The following CCDC18 variants were observed in gnomAD, a reference collection of about 807,000 sequenced individuals.
The protein encoded by CCDC18 is coiled-coil domain-containing protein 18.
A neutral mutation model predicts 196.0 loss-of-function variants in CCDC18; 157 were observed. The ratio of observed to expected loss-of-function variants is 0.80; its 90% CI spans 0.70 to 0.91. The LOEUF is 0.91. Among genes scored for constraint, CCDC18 ranks in the 40% least tolerant of loss-of-function variants. CCDC18 has a pLI of 0.00. For synonymous variants in CCDC18, 482 were observed against 529.2 expected (o/e 0.91, Z 1.22); for missense variants, 1,465 against 1,611.6 (o/e 0.91, Z 1.56).
At chr1:93,232,140 A>G (rs1428946380) in intron 17 of CCDC18, among the ~76,000 whole-genome samples, 1 of 152,256 alleles carries the variant, frequency 6.6e-6, no homozygotes, top group Non-Finnish European at 1.5e-5. Context: ...AAAGGAAGGC[A>G]TGTTTCAGTG....
chr1:93,256,950 T>A (rs1663038061), intron 25 of CCDC18, among the ~76,000 whole-genome samples: 1 of 152,012 alleles, frequency 6.6e-6, no homozygotes, highest in Non-Finnish European at 1.5e-5. Context: ...ACTATTGGCT[T>A]GGCACGGTGG....
intron 3 of CCDC18, among the ~76,000 whole-genome samples, chr1:93,184,633 A>G (rs997191151): frequency 2.0e-5 from 3 of 151,742 alleles, no homozygotes; most frequent in African/African-American, 7.3e-5. Flanking sequence ...ATTCTATCAC[A>G]TATTTATCTC....
At chr1:93,250,882 T>C (rs1662147887) in intron 23 of CCDC18, among the ~76,000 whole-genome samples, 4 of 152,356 alleles carry the variant, frequency 2.6e-5, no homozygotes, top group African/African-American at 4.8e-5. Context: ...AGGAAGCATA[T>C]AGTTGGATTT....
rs1391342714 is a variant in CCDC18 at position 93,239,726 on chromosome 1, A to G, written c.2811A>G (p.Leu937=). Residue 937 remains leucine, a synonymous_variant, in exon 21 of 29, where the codon CTA becomes CTG. Coordinates refer to ENST00000690025, the MANE Select transcript of CCDC18 (RefSeq NM_001378204.1). ...TACAGCACAGTACTGAAACTGAACT[A>G]ACAGAAGCCTTGCAAAAACGGGAAG... is the stretch of plus-strand genomic sequence containing the variant. ...EKLQHSTETE[L]TEALQKREVL... 16 of 1,613,816 alleles carry G rather than the reference A, an allele frequency of 9.9e-6. No individual in the cohort carries two copies. The highest frequency in any genetic ancestry group is 1.4e-5 in the Non-Finnish European group (16 of 1,179,780).
At chr1:93,240,283 A>G (rs1660601768) in intron 21 of CCDC18, among the ~76,000 whole-genome samples, 2 of 152,210 alleles carry the variant, frequency 1.3e-5, no homozygotes, top group Admixed American at 1.3e-4. Flanking sequence ...TTAGAAACAT[A>G]TATCACCTTT....
intron 10 of CCDC18, among the ~76,000 whole-genome samples, chr1:93,211,467 T>C (rs904617117): frequency 2.6e-5 from 4 of 152,312 alleles, no homozygotes; most frequent in African/African-American, 7.2e-5. Context: ...CATTACAGGA[T>C]GAATAATGCC....
chr1:93,214,097 C>T (rs1489280519), intron 11 of CCDC18, among the ~76,000 whole-genome samples: 1 of 152,070 alleles, frequency 6.6e-6, no homozygotes, highest in Non-Finnish European at 1.5e-5. Flanking sequence ...TCTGATAACC[C>T]TCAGTAATTT....
At chr1:93,185,811 A>G (rs1192346789) in intron 3 of CCDC18, among the ~76,000 whole-genome samples, 1 of 151,936 alleles carries the variant, frequency 6.6e-6, no homozygotes, top group African/African-American at 2.4e-5. Context: ...CACTCAAAAT[A>G]AAGTTAATTA....
chr1:93,244,404 G>T (rs1661224916), intron 21 of CCDC18, among the ~76,000 whole-genome samples: 1 of 152,174 alleles, frequency 6.6e-6, no homozygotes, highest in Non-Finnish European at 1.5e-5. Context: ...AAAAACGAAT[G>T]AACTACTGAT....
At chr1:93,205,157 C>T (rs891998654) in intron 7 of CCDC18, among the ~76,000 whole-genome samples, 1 of 151,982 alleles carries the variant, frequency 6.6e-6, no homozygotes, top group Non-Finnish European at 1.5e-5. Flanking sequence ...GCTGTGGTTT[C>T]GTTGGTAAAT....
intron 27 of CCDC18, chr1:93,269,765 T>C (rs926022494): frequency 3.3e-5 from 5 of 152,046 alleles, no homozygotes; most frequent in Admixed American, 3.3e-4. Context: ...ATTCCTAGGA[T>C]CCCAAAGTTC....
chr1:93,182,853 C>G (rs1040517233), intron 1 of CCDC18, among the ~76,000 whole-genome samples: 1 of 152,118 alleles, frequency 6.6e-6, no homozygotes, highest in Non-Finnish European at 1.5e-5. Flanking sequence ...ACCATTTAAT[C>G]AGATGTCCAG....
intron 1 of CCDC18, 102 bp downstream of exon 1, chr1:93,180,954 C>T: frequency 9.0e-7 from 1 of 1,116,476 alleles, no homozygotes. Flanking sequence ...CTCCCGGCAC[C>T]TTGGATGCGC....
intron 4 of CCDC18, among the ~76,000 whole-genome samples, chr1:93,188,680 GTAGT>G (rs1651148759): frequency 2.0e-5 from 3 of 151,926 alleles, no homozygotes; most frequent in Non-Finnish European, 4.4e-5. Flanking sequence ...ATGGTAGATG[GTAGT>G]TCTTAGGACC....
chr1:93,179,970 A>C, upstream of CCDC18: 3 of 1,417,752 alleles, frequency 2.1e-6, no homozygotes, highest in Non-Finnish European at 2.9e-6. Flanking sequence ...AGGGCCGTCC[A>C]CCAGAAGTTT....
At chr1:93,248,175 C>T (rs1661757076) in intron 23 of CCDC18, among the ~76,000 whole-genome samples, 1 of 151,826 alleles carries the variant, frequency 6.6e-6, no homozygotes, top group African/African-American at 2.4e-5. Flanking sequence ...CCACCACGCT[C>T]AGCTAATTTT....
chr1:93,187,207 T>A (rs976382678), intron 4 of CCDC18, among the ~76,000 whole-genome samples: 3 of 151,940 alleles, frequency 2.0e-5, no homozygotes, highest in African/African-American at 7.2e-5. Context: ...AACCTTTTTT[T>A]AAAAAAATGA....
At chr1:93,233,879 G>T (rs533366883) in intron 18 of CCDC18, among the ~76,000 whole-genome samples, 57 of 152,274 alleles carry the variant, frequency 3.7e-4, no homozygotes, top group African/African-American at 1.3e-3. Context: ...TTACAGGCGT[G>T]AGCCACTGCT....
At position 93,232,471 on chromosome 1, in the gene CCDC18, C is replaced by T; in HGVS notation, c.2338C>T (p.Gln780Ter). The change falls in exon 18 of 29, where the codon CAA becomes TAA. Residue 780 changes from glutamine to a stop codon, truncating the protein, a stop_gained. Coordinates refer to ENST00000690025, the MANE Select transcript of CCDC18 (RefSeq NM_001378204.1). LOFTEE classifies it high-confidence loss of function. ...KELKIKNHSL[Q>*]ETSEQNVILQ... Reference sequence around the variant, plus strand: ...GCTAAAGATAAAAAATCACAGTCTTCAAGAGACTTCTGAGCAAAACGTTAT... The same window carrying T: ...GCTAAAGATAAAAAATCACAGTCTTTAAGAGACTTCTGAGCAAAACGTTAT... The T allele has an allele frequency of 2.5e-6, 4 of 1,611,208 alleles. No homozygotes were observed. The highest frequency in any genetic ancestry group is 1.1e-5 in the South Asian group (1 of 90,734).
Sources: gnomAD v4.1 joint callset for allele counts (sites outside exome capture counted in the v4.1 genomes callset) on GRCh38, gnomAD v4.1.1 for gene constraint, MANE v1.5 for transcripts, NCBI Gene and HGNC (gene_info 2026-07-23, HGNC 2026-07-21) for gene names.